Variants in PCDH11X observed in about 807,000 individuals in gnomAD.
The protein encoded by PCDH11X is protocadherin 11 X-linked.
PCDH11X carries 18 observed loss-of-function variants against 53.3 expected under a neutral mutation model. The ratio of observed to expected loss-of-function variants is 0.34; its 90% confidence interval spans 0.23 to 0.50. The LOEUF is 0.50. PCDH11X is among the 20% of genes least tolerant of loss of function. PCDH11X has a pLI of 0.98. For missense variants in PCDH11X, 570 were observed against 1,032.4 expected (o/e 0.55, Z 6.14); for synonymous variants, 279 against 393.3 (o/e 0.71, Z 3.44).
chrX:92,564,028 C>T (rs1254373739), intron 10 of PCDH11X, among the ~76,000 whole-genome samples: 1 of 109,303 alleles, frequency 9.1e-6, no homozygotes, highest in African/African-American at 3.3e-5. Context: ...CTACAATAGC[C>T]ACAAGTAAAA....
chrX:92,255,799 C>G (rs1268481967), intron 7 of PCDH11X, among the ~76,000 whole-genome samples: 1 of 112,402 alleles, frequency 8.9e-6, no homozygotes, highest in Non-Finnish European at 1.9e-5. Flanking sequence ...ATTCTCAGAT[C>G]TCCAGCTGCG....
chrX:92,153,028 C>T (rs188718789), intron 6 of PCDH11X, among the ~76,000 whole-genome samples: 4,078 of 106,484 alleles, frequency 0.038, 194 homozygotes, highest in African/African-American at 0.13. Context: ...TCAGGTGATC[C>T]GCCCACCTTG....
At chrX:92,313,521 A>G (rs777683501) in intron 8 of PCDH11X, among the ~76,000 whole-genome samples, 1 of 110,361 alleles carries the variant, frequency 9.1e-6, no homozygotes, top group African/African-American at 3.3e-5. Context: ...TAACTGTAAA[A>G]TTTTCATGTA....
chrX:92,129,235 T>C (rs181890297), intron 6 of PCDH11X, among the ~76,000 whole-genome samples: 2,341 of 109,643 alleles, frequency 0.021, 55 homozygotes, highest in African/African-American at 0.075. Context: ...CTACTAAAAA[T>C]ACAAAATTAG....
chrX:92,109,474 G>A (rs938752696), intron 6 of PCDH11X, among the ~76,000 whole-genome samples: 4 of 111,248 alleles, frequency 3.6e-5, no homozygotes, highest in African/African-American at 6.5e-5. Flanking sequence ...TCGAAGTGAG[G>A]TTTTCTTGTT....
intron 6 of PCDH11X, among the ~76,000 whole-genome samples, chrX:91,902,779 C>T (rs1000414880): frequency 1.8e-5 from 2 of 108,990 alleles, no homozygotes; most frequent in African/African-American, 3.3e-5. Context: ...GATAGAGTCA[C>T]CATTCATTCA....
At chrX:92,258,451 T>A (rs1159626518) in intron 7 of PCDH11X, among the ~76,000 whole-genome samples, 5 of 106,356 alleles carry the variant, frequency 4.7e-5, no homozygotes, top group Non-Finnish European at 9.7e-5. Flanking sequence ...CGCTGCATGC[T>A]CCACCTCCTG....
rs1233351565 is a variant in PCDH11X at position 91,889,096 on chromosome X, T to C, written c.3033+9823T>C. ...TTTAAATGCACTGGCTCTTTTGACA[T>C]GTAAATACAGAAATAGTCTCATATT... On this transcript the variant is annotated intron_variant, in intron 6 of 10. Coordinates refer to ENST00000682573, the MANE Select transcript of PCDH11X (RefSeq NM_032968.5). 2.7e-5 allele frequency among the ~76,000 whole-genome samples: 3 copies of C among 110,831 alleles called. No individual in the cohort carries two copies. In the East Asian group the frequency reaches 8.5e-4, roughly 31 times the overall value.
chrX:92,609,046 A>T (rs781234052), intron 10 of PCDH11X, among the ~76,000 whole-genome samples: 2 of 111,417 alleles, frequency 1.8e-5, no homozygotes, highest in South Asian at 7.4e-4. Context: ...AATTCATTTG[A>T]GACTCATCCA....
intron 6 of PCDH11X, among the ~76,000 whole-genome samples, chrX:92,188,927 G>A (rs2066144875): frequency 9.0e-6 from 1 of 110,940 alleles, no homozygotes; most frequent in Non-Finnish European, 1.9e-5. Flanking sequence ...GTATATACTT[G>A]GAATATAATT....
chrX:91,831,025 A>G (rs1362877657), intron 4 of PCDH11X, among the ~76,000 whole-genome samples: 1 of 111,820 alleles, frequency 8.9e-6, no homozygotes, highest in Non-Finnish European at 1.9e-5. Flanking sequence ...TTGAACATTA[A>G]TTGTGTGGTT....
chrX:92,278,385 A>T (rs2068159164), intron 8 of PCDH11X, among the ~76,000 whole-genome samples: 1 of 111,925 alleles, frequency 8.9e-6, no homozygotes, highest in Non-Finnish European at 1.9e-5. Context: ...GTGTGAAGAG[A>T]CCACCAAACA....
Position 91,912,667 on chromosome X carries a change from G to T in PCDH11X, c.3033+33394G>T, listed in dbSNP as rs1301818426. Among the ~76,000 whole-genome samples the T allele has an allele frequency of 3.6e-5, 4 of 110,390 alleles. No individual in the cohort carries two copies. In the East Asian group the frequency reaches 1.1e-3, roughly 32 times the overall value. ...TTTAATGTGGTTTGAGAAAATCGAA[G>T]TGGGGGGGAAATGGCAGATAGGAGA... On this transcript the variant is annotated intron_variant, in intron 6 of 10. Coordinates refer to ENST00000682573, the MANE Select transcript of PCDH11X (RefSeq NM_032968.5).
chrX:92,528,148 A>G (rs189057732), intron 10 of PCDH11X, among the ~76,000 whole-genome samples: 8 of 112,296 alleles, frequency 7.1e-5, no homozygotes, highest in Admixed American at 1.9e-4. Context: ...TTTTTCTAGA[A>G]CAGGAGTGTA....
In PCDH11X at chrX:92,263,238, G is replaced by A. The variant is rs759312656; in HGVS notation, c.3144+95G>A. ...TTAGTCCATGGAGTTAAAACTGTAA[G>A]TACTTAGGATAACATATGTTATGGT... On this transcript the variant is annotated intron_variant, in intron 8 of 10. Transcript: ENST00000682573. 7.8e-5 allele frequency: 56 copies of A among 716,606 alleles called. 1 individual carries two copies. In the South Asian group the frequency reaches 1.8e-3, roughly 23 times the overall value. The allele number at this position is 716,606 out of a possible 1,213,427, so 59.1% of individuals were successfully genotyped here.
chrX:92,206,552 G>T, intron 7 of PCDH11X, among the ~76,000 whole-genome samples: 1 of 110,230 alleles, frequency 9.1e-6, no homozygotes, highest in South Asian at 3.9e-4. Flanking sequence ...TTGAGATGGA[G>T]TTTTGCTCTT....
At chrX:91,914,491 C>T (rs1432594083) in intron 6 of PCDH11X, among the ~76,000 whole-genome samples, 4 of 111,201 alleles carry the variant, frequency 3.6e-5, no homozygotes, top group African/African-American at 1.3e-4. Context: ...CAACTTAAAG[C>T]AATTAAAAAA....
intron 6 of PCDH11X, among the ~76,000 whole-genome samples, chrX:91,890,410 A>G (rs1344260834): frequency 9.2e-6 from 1 of 108,915 alleles, no homozygotes; most frequent in Admixed American, 9.9e-5. Flanking sequence ...CATATCCAGT[A>G]CATTCTGTAT....
intron 10 of PCDH11X, among the ~76,000 whole-genome samples, chrX:92,566,244 G>A: frequency 9.1e-6 from 1 of 110,382 alleles, no homozygotes; most frequent in Non-Finnish European, 1.9e-5. Flanking sequence ...AGAGAGTAGA[G>A]CATGGACTTA....
Sources: gnomAD v4.1 joint callset for allele counts (sites outside exome capture counted in the v4.1 genomes callset) on GRCh38, gnomAD v4.1.1 for gene constraint, MANE v1.5 for transcripts, NCBI Gene and HGNC (gene_info 2026-07-23, HGNC 2026-07-21) for gene names.